CEP57L1: variants seen among roughly 807,000 people sequenced by gnomAD.
The protein encoded by CEP57L1 is centrosomal protein 57 like 1.
A neutral mutation model predicts 61.0 loss-of-function variants in CEP57L1; 37 were observed. The observed-to-expected ratio is 0.61, with a 90% confidence interval of 0.47 to 0.80. The LOEUF is 0.80. Among genes scored for constraint, CEP57L1 ranks in the 30% least tolerant of loss-of-function variants. CEP57L1 has a pLI of 0.00. For missense variants in CEP57L1, 422 were observed against 524.7 expected (o/e 0.80, Z 1.91); for synonymous variants, 137 against 162.3 (o/e 0.84, Z 1.19).
chr6:109,113,936 A>G (rs1233528007), intron 1 of CEP57L1, among the ~76,000 whole-genome samples: 4 of 152,180 alleles, frequency 2.6e-5, no homozygotes, highest in Non-Finnish European at 5.9e-5. Flanking sequence ...CCATATTGTT[A>G]AAATCCATTC....
Position 109,173,838 on chromosome 6 carries a change from C to G in CEP57L1, c.*10868C>G, listed in dbSNP as rs1774516147. 6.6e-6 allele frequency among the ~76,000 whole-genome samples: 1 copy of G among 151,808 alleles called. No individual in the cohort carries two copies. ...TTGGGGCTGAACGTAGTGGCTCACG[C>G]CTATAATCCCAGCACTTTGGGAGGC... On this transcript the variant is annotated 3_prime_UTR_variant, in exon 11 of 11. Transcript: ENST00000517392.
At position 109,163,872 on chromosome 6, in the gene CEP57L1, CA is replaced by C. The variant is rs1286832987; in HGVS notation, c.*903del. ...ATAATGTCAAATGTCATTGTGTATGCATGCTTTATAATAAATTTACACTTGA... is the reference window on the plus strand; with the variant it reads ...ATAATGTCAAATGTCATTGTGTATGCTGCTTTATAATAAATTTACACTTGA... On this transcript the variant is annotated 3_prime_UTR_variant, in exon 11 of 11. Coordinates refer to ENST00000517392, the MANE Select transcript of CEP57L1 (RefSeq NM_001271852.3). 5 of 151,952 alleles carry C rather than the reference CA, an allele frequency of 3.3e-5. No individual in the cohort carries two copies. Among genetic ancestry groups the C allele is most frequent in the African/African-American group, 9.7e-5 (4 of 41,366 alleles). The allele number at this position is 151,952 out of a possible 1,614,324, so 9.4% of individuals were successfully genotyped here.
chr6:109,155,148 C>T (rs914597921), intron 5 of CEP57L1, 82 bp from the exon 6 acceptor site: 1 of 746,906 alleles, frequency 1.3e-6, no homozygotes, highest in Non-Finnish European at 2.2e-6. Context: ...ATCAAGACCC[C>T]CTAGGACTCT....
chr6:109,101,563 T>A (rs1213459169), intron 1 of CEP57L1, among the ~76,000 whole-genome samples: 4 of 152,190 alleles, frequency 2.6e-5, no homozygotes, highest in Non-Finnish European at 4.4e-5. Context: ...TTGCTGGATC[T>A]CAGGTAACCC....
rs1382333947 is a variant in CEP57L1, at chr6:109,167,680, G to T, written c.*4710G>T. On this transcript the variant is annotated 3_prime_UTR_variant, in exon 11 of 11. Coordinates refer to ENST00000517392, the MANE Select transcript of CEP57L1 (RefSeq NM_001271852.3). ...CAACAGAGCAAGACTCTGCCTCAAA[G>T]CAAAAAAAAAAAGAAAAGAAAAGAA... Among the ~76,000 whole-genome samples the T allele has an allele frequency of 7.3e-6, 1 of 137,458 alleles. No homozygotes were observed. Among genetic ancestry groups the T allele is most frequent in the Non-Finnish European group, 1.6e-5 (1 of 64,140 alleles). The allele number at this position is 137,458 out of a possible 152,430, so 90.2% of individuals were successfully genotyped here. A position where few individuals can be genotyped will look rare whatever the true frequency, so the allele number is the denominator to read the frequency against.
chr6:109,113,116 G>A (rs186630573), intron 1 of CEP57L1, among the ~76,000 whole-genome samples: 81 of 152,252 alleles, frequency 5.3e-4, no homozygotes, highest in African/African-American at 1.6e-3. Context: ...GGGTGTTAAA[G>A]TCTCCCACTG....
At chr6:109,138,717 T>C (rs992952749) in intron 1 of CEP57L1, among the ~76,000 whole-genome samples, 1 of 152,222 alleles carries the variant, frequency 6.6e-6, no homozygotes, top group Non-Finnish European at 1.5e-5. Flanking sequence ...TATTGCCTTG[T>C]TTTCTTTTAA....
chr6:109,106,062 C>G (rs1002542500), intron 1 of CEP57L1: 1 of 152,350 alleles, frequency 6.6e-6, no homozygotes, highest in Admixed American at 6.6e-5. Context: ...CAAAAACAAG[C>G]TCAGGGATCC....
intron 1 of CEP57L1, among the ~76,000 whole-genome samples, chr6:109,100,561 G>C (rs970073448): frequency 5.3e-5 from 8 of 150,980 alleles, no homozygotes; most frequent in Non-Finnish European, 8.8e-5. Flanking sequence ...TGTAATTCCA[G>C]CTACTTGGGA....
intron 1 of CEP57L1, among the ~76,000 whole-genome samples, chr6:109,103,182 A>G (rs1247326863): frequency 6.6e-6 from 1 of 152,204 alleles, no homozygotes; most frequent in African/African-American, 2.4e-5. Flanking sequence ...ATCTCTTTCT[A>G]TGATAACTGA....
intron 1 of CEP57L1, among the ~76,000 whole-genome samples, chr6:109,139,663 T>G (rs530730022): frequency 6.6e-6 from 1 of 152,048 alleles, no homozygotes; most frequent in Non-Finnish European, 1.5e-5. Flanking sequence ...TTTTTTTGTA[T>G]TTTTAGTAGA....
rs1770731648 is a variant in CEP57L1, at chr6:109,136,625, A to C, written c.-3-8594A>C. On this transcript the variant is annotated intron_variant, in intron 1 of 10. Transcript: ENST00000517392. ...TGCAAATGCGGAATTTGAGGCACAG[A>C]GAAGTTAAACATTTGATGAGGGTCA... Among the ~76,000 whole-genome samples, 4 of 151,548 alleles carry C rather than the reference A, an allele frequency of 2.6e-5. No individual in the cohort carries two copies. In the South Asian group the frequency reaches 8.3e-4, roughly 32 times the overall value.
chr6:109,117,369 G>A lies in CEP57L1; in HGVS notation c.-4+21794G>A, dbSNP rs142859754. 8.1e-4 allele frequency among the ~76,000 whole-genome samples: 123 copies of A among 152,276 alleles called. 1 individual carries two copies. Among genetic ancestry groups the A allele is most frequent in the Middle Eastern group, 6.8e-3 (2 of 294 alleles). ...TCTATCTTTTGATGGTCTGTAATGT[G>A]CTGCTGATAGGAAGTTTTTAATTGA... is the stretch of plus-strand genomic sequence containing the variant. On this transcript the variant is annotated intron_variant, in intron 1 of 10. Transcript: ENST00000517392.
At chr6:109,132,601 C>G (rs574522189) in intron 1 of CEP57L1, among the ~76,000 whole-genome samples, 1 of 152,254 alleles carries the variant, frequency 6.6e-6, no homozygotes, top group East Asian at 1.9e-4. Flanking sequence ...AAAAGTTTCT[C>G]TAAGACTTAT....
chr6:109,150,162 C>G lies in CEP57L1; in HGVS notation c.385C>G (p.Leu129Val), dbSNP rs1772444847. Reference protein sequence around the residue: ...LSSAQSRCTLLEKQLEYTKRM... With the variant: ...LSSAQSRCTLVEKQLEYTKRM... ...CTCAGCCCAGTCTCGTTGTACTCTT[C>G]TAGAGAAGCAACTAGAATATACAAA... Residue 129 changes from leucine (L) to valine (V), a missense_variant, in exon 4 of 11, where the codon CTA becomes GTA. Physicochemically the swap from Leu to Val is conservative, Grantham distance 32. Coordinates refer to ENST00000517392, the MANE Select transcript of CEP57L1 (RefSeq NM_001271852.3). 1 of 1,610,106 alleles carries G rather than the reference C, an allele frequency of 6.2e-7. No individual in the cohort carries two copies. Among genetic ancestry groups the G allele is most frequent in the African/African-American group, 1.3e-5 (1 of 74,800 alleles).
chr6:109,112,106 C>T (rs1015323359), intron 1 of CEP57L1, among the ~76,000 whole-genome samples: 3 of 151,970 alleles, frequency 2.0e-5, no homozygotes, highest in African/African-American at 7.2e-5. Context: ...TGGTACCAGC[C>T]CCTCTTTGTA....
At chr6:109,151,754 G>A (rs995972518) in intron 4 of CEP57L1, among the ~76,000 whole-genome samples, 1 of 152,102 alleles carries the variant, frequency 6.6e-6, no homozygotes, top group Non-Finnish European at 1.5e-5. Flanking sequence ...TGTCATTTGT[G>A]AAAGATATTT....
At chr6:109,157,619 C>T (rs1408052520) in intron 7 of CEP57L1, 9 of 151,944 alleles carry the variant, frequency 5.9e-5, no homozygotes, top group African/African-American at 2.2e-4. Flanking sequence ...TTTCCAGGGA[C>T]CTATAAGTAA....
chr6:109,150,048 A>G (rs1772425515), intron 3 of CEP57L1, 70 bp from the exon 4 acceptor site: 2 of 906,118 alleles, frequency 2.2e-6, no homozygotes, highest in Admixed American at 4.1e-5. Flanking sequence ...CTAGATATAC[A>G]ATCATGTCAT....
Sources: allele counts gnomAD v4.1 joint callset (sites outside exome capture counted in the v4.1 genomes callset), GRCh38; gene constraint gnomAD v4.1.1; transcripts MANE v1.5; gene names NCBI Gene and HGNC (gene_info 2026-07-23, HGNC 2026-07-21).